NCKAP5: variants seen among roughly 807,000 people sequenced by gnomAD.
NCKAP5 encodes NCK associated protein 5, also known as nck-associated protein 5.
NCKAP5 carries 92 observed loss-of-function variants against 167.0 expected under a neutral mutation model. The ratio of observed to expected loss-of-function variants is 0.55; its 90% CI spans 0.47 to 0.66. The LOEUF (loss-of-function observed/expected upper bound fraction) is 0.66, where lower values mean the gene tolerates loss of function less well. Among genes scored for constraint, NCKAP5 ranks in the 30% least tolerant of loss-of-function variants. The pLI, the probability that NCKAP5 is intolerant of heterozygous loss-of-function variation, is 0.00. For synonymous variants in NCKAP5, 891 were observed against 877.4 expected (o/e 1.02, Z -0.27); for missense variants, 2,378 against 2,315.0 (o/e 1.03, Z -0.56).
intron 6 of NCKAP5, among the ~76,000 whole-genome samples, chr2:133,030,850 G>A (rs1235119442): frequency 3.3e-5 from 5 of 152,056 alleles, no homozygotes; most frequent in Non-Finnish European, 7.4e-5. Context: ...AATGCAGCGG[G>A]AACCTATCCC....
chr2:132,925,629 C>A (rs1490471018), intron 8 of NCKAP5, among the ~76,000 whole-genome samples: 2 of 151,158 alleles, frequency 1.3e-5, no homozygotes, highest in Non-Finnish European at 2.9e-5. Context: ...GGAGCTCAGG[C>A]AGTAATGCTC....
chr2:133,065,602 C>A (rs4414733), intron 6 of NCKAP5, among the ~76,000 whole-genome samples: 1 of 152,002 alleles, frequency 6.6e-6, no homozygotes, highest in African/African-American at 2.4e-5. Flanking sequence ...TCCAGCCTGG[C>A]GACAGAGCGA....
chr2:132,729,513 T>C (rs1323727327), intron 17 of NCKAP5, among the ~76,000 whole-genome samples: 1 of 152,184 alleles, frequency 6.6e-6, no homozygotes, highest in Non-Finnish European at 1.5e-5. Flanking sequence ...TTTCAAGCTT[T>C]AATGTACATA....
rs112681327 is a variant in NCKAP5, at chr2:132,925,398, CA to C, written c.579+38321del. Among the ~76,000 whole-genome samples, 690 of 130,246 alleles carry C rather than the reference CA, an allele frequency of 5.3e-3. 3 individuals carry two copies. Among genetic ancestry groups the C allele is most frequent in the Middle Eastern group, 0.027 (7 of 256 alleles). The allele number at this position is 130,246 out of a possible 152,430, so 85.4% of individuals were successfully genotyped here. A position where few individuals can be genotyped will look rare whatever the true frequency, so the allele number is the denominator to read the frequency against. On this transcript the variant is annotated intron_variant, in intron 8 of 19. Transcript: ENST00000409261. The stretch of plus-strand genomic sequence containing the variant: ...TGAAACATCATCTCTACTAAAAGTA[CA>C]AAAAAAAAAAAAATTAGCCGGGCAT...
At chr2:133,659,613 G>A in the NCKAP5 span, among the ~76,000 whole-genome samples, 1 of 152,280 alleles carries the variant, frequency 6.6e-6, no homozygotes, top group East Asian at 1.9e-4. Context: ...AAAGGGCTTA[G>A]TATTCAGAAT....
intron 4 of NCKAP5, among the ~76,000 whole-genome samples, chr2:133,256,251 A>AAT (rs2088612843): frequency 6.6e-6 from 1 of 152,154 alleles, no homozygotes; most frequent in African/African-American, 2.4e-5. Flanking sequence ...TCATTGAACA[A>AAT]ATAGGAGCCT....
At chr2:133,641,214 T>C in the NCKAP5 span, among the ~76,000 whole-genome samples, 2 of 152,234 alleles carry the variant, frequency 1.3e-5, no homozygotes, top group Non-Finnish European at 2.9e-5. Context: ...TTCTCTGCTT[T>C]CTCATAGTAA....
intron 6 of NCKAP5, among the ~76,000 whole-genome samples, chr2:133,101,204 G>C (rs2081502872): frequency 2.1e-5 from 3 of 144,478 alleles, no homozygotes; most frequent in South Asian, 2.3e-4. Context: ...TCAAAGATCA[G>C]ATAGTTGTAG....
At chr2:133,203,557 G>C (rs35804317) in intron 5 of NCKAP5, among the ~76,000 whole-genome samples, 4,858 of 151,950 alleles carry the variant, frequency 0.032, 113 homozygotes, top group Middle Eastern at 0.068. Context: ...AAAAAAGAAA[G>C]TTGTCTTCTA....
chr2:133,472,095 T>C (rs1371249420), intron 3 of NCKAP5, among the ~76,000 whole-genome samples: 2 of 152,178 alleles, frequency 1.3e-5, no homozygotes, highest in Non-Finnish European at 2.9e-5. Context: ...CTAATACCTT[T>C]ACCATTTTAA....
At chr2:133,116,639 T>C (rs72842454) in intron 6 of NCKAP5, among the ~76,000 whole-genome samples, 4,787 of 152,132 alleles carry the variant, frequency 0.031, 115 homozygotes, top group South Asian at 0.075. Context: ...ATATACTTGC[T>C]CCAAACATAA....
At chr2:133,628,882 G>A in the NCKAP5 span, among the ~76,000 whole-genome samples, 5 of 152,120 alleles carry the variant, frequency 3.3e-5, no homozygotes, top group Admixed American at 6.5e-5. Context: ...AACAAGCAAT[G>A]GGGAAAGGAC....
intron 5 of NCKAP5, among the ~76,000 whole-genome samples, chr2:133,174,702 C>CTT (rs71909848): frequency 0.31 from 45,073 of 144,494 alleles, 7,640 homozygotes; most frequent in East Asian, 0.71. Context: ...CAAGTAACAT[C>CTT]TTTTTTTTTT....
the NCKAP5 span, among the ~76,000 whole-genome samples, chr2:133,641,149 G>A: frequency 6.6e-6 from 1 of 152,194 alleles, no homozygotes; most frequent in African/African-American, 2.4e-5. Flanking sequence ...TGTTCATATG[G>A]ACGTCAGAAA....
chr2:133,560,721 G>A (rs183769395), intron 1 of NCKAP5, among the ~76,000 whole-genome samples: 6 of 152,250 alleles, frequency 3.9e-5, no homozygotes, highest in East Asian at 3.9e-4. Context: ...CTCAGCTCTC[G>A]GAGTCTAGCT....
chr2:133,315,291 C>T (rs1011623144), intron 3 of NCKAP5, among the ~76,000 whole-genome samples: 9 of 152,028 alleles, frequency 5.9e-5, no homozygotes, highest in South Asian at 4.2e-4. Flanking sequence ...GGATCTGTTT[C>T]GAAGATGGAG....
intron 16 of NCKAP5, among the ~76,000 whole-genome samples, chr2:132,758,930 C>A (rs1680777075): frequency 6.6e-6 from 1 of 152,242 alleles, no homozygotes; most frequent in East Asian, 1.9e-4. Flanking sequence ...CAACTTTAAC[C>A]ATGTTTTTAA....
At chr2:133,367,943 G>A (rs980470047) in intron 3 of NCKAP5, among the ~76,000 whole-genome samples, 1 of 152,166 alleles carries the variant, frequency 6.6e-6, no homozygotes, top group African/African-American at 2.4e-5. Context: ...TGCAGACAAA[G>A]CTGGAGTTCA....
chr2:133,673,181 C>T, the NCKAP5 span, among the ~76,000 whole-genome samples: 1 of 152,144 alleles, frequency 6.6e-6, no homozygotes, highest in African/African-American at 2.4e-5. Context: ...TCATATAGTC[C>T]TCTGAGTCAT....
Sources: gnomAD v4.1 joint callset for allele counts (sites outside exome capture counted in the v4.1 genomes callset) on GRCh38, gnomAD v4.1.1 for gene constraint, MANE v1.5 for transcripts, NCBI Gene and HGNC (gene_info 2026-07-23, HGNC 2026-07-21) for gene names.